The following TTC1 variants were observed in gnomAD, a reference collection of about 807,000 sequenced individuals.
TTC1 encodes tetratricopeptide repeat domain 1, also known as tetratricopeptide repeat protein 1.
A neutral mutation model predicts 37.6 loss-of-function variants in TTC1; 31 were observed. That is an observed-to-expected ratio of 0.82 (90% CI 0.62 to 1.11). The LOEUF is 1.11. TTC1 is among the 50% of genes most tolerant of loss of function. The pLI, the probability that TTC1 is intolerant of heterozygous loss-of-function variation, is 0.00. For missense variants in TTC1, 351 were observed against 339.0 expected, an observed-to-expected ratio of 1.04 and a Z score of -0.28; for synonymous variants, 127 against 122.4, an observed-to-expected ratio of 1.04 and a Z score of -0.25.
At chr5:160,023,979 C>G in intron 2 of TTC1, 1 of 1,549,760 alleles carries the variant, frequency 6.5e-7, no homozygotes, top group Non-Finnish European at 8.9e-7. Flanking sequence ...TTGGTCCCAC[C>G]TGGTTGCATG....
At chr5:160,045,520 A>ACACACACACTCT (rs1202139318) in intron 5 of TTC1, among the ~76,000 whole-genome samples, 8 of 54,884 alleles carry the variant, frequency 1.5e-4, no homozygotes, top group African/African-American at 1.8e-4. Context: ...ACACATACAC[A>ACACACACACTCT]CTCTCTCTCT....
At chr5:160,036,904 C>G (rs1310523930) in intron 4 of TTC1, 101 bp downstream of exon 4, 1 of 741,622 alleles carries the variant, frequency 1.3e-6, no homozygotes, top group African/African-American at 1.8e-5. Flanking sequence ...TGCTGCCTCC[C>G]TTTTCCTGCC....
intron 7 of TTC1, among the ~76,000 whole-genome samples, chr5:160,063,955 A>T (rs748169992): frequency 6.8e-6 from 1 of 147,046 alleles, no homozygotes; most frequent in African/African-American, 2.5e-5. Flanking sequence ...ACCGCTGGCT[A>T]TAGACCATGA....
In TTC1 at chr5:160,064,960, T is replaced by A. The variant is rs1753556058; in HGVS notation, c.774T>A (p.Val258=). ...AATTAAAAGATCTTGGGAACTTGGTTCTCCGACCTTTTGGGCTCTCCACGG... is the reference window on the plus strand; with the variant it reads ...AATTAAAAGATCTTGGGAACTTGGTACTCCGACCTTTTGGGCTCTCCACGG... ...LGKLKDLGNL[V]LRPFGLSTEN... The change falls in exon 8 of 8, where the codon GTT becomes GTA. Residue 258 remains valine (V), a synonymous_variant. Transcript: ENST00000231238. The A allele has an allele frequency of 6.2e-7, 1 of 1,613,658 alleles. No individual in the cohort carries two copies. The highest frequency in any genetic ancestry group is 8.5e-7 in the Non-Finnish European group (1 of 1,179,978).
chr5:160,014,290 C>T (rs986194318), intron 2 of TTC1, among the ~76,000 whole-genome samples: 7 of 151,608 alleles, frequency 4.6e-5, no homozygotes, highest in African/African-American at 1.5e-4. Context: ...CCCAGGAGGT[C>T]GAGGTTGCAG....
At chr5:160,049,795 A>G in intron 6 of TTC1, 133 bp downstream of exon 6, 1 of 806,984 alleles carries the variant, frequency 1.2e-6, no homozygotes, top group Non-Finnish European at 1.8e-6. Context: ...GATATATGGG[A>G]GGCCAGGCGC....
intron 1 of TTC1, 126 bp from the exon 2 acceptor site, chr5:160,010,374 G>T: frequency 1.3e-5 from 7 of 524,938 alleles, no homozygotes; most frequent in Admixed American, 3.3e-5. Flanking sequence ...TTTAAATAAT[G>T]AATTCCAGTG....
intron 2 of TTC1, among the ~76,000 whole-genome samples, chr5:160,030,105 A>T (rs1756883145): frequency 6.6e-6 from 1 of 152,264 alleles, no homozygotes. Context: ...CAAAAGCAGT[A>T]TGTACAGTCT....
At chr5:160,022,211 A>C (rs1756722787) in intron 2 of TTC1, among the ~76,000 whole-genome samples, 1 of 152,202 alleles carries the variant, frequency 6.6e-6, no homozygotes, top group Non-Finnish European at 1.5e-5. Context: ...ATACACTTAT[A>C]AGCTCAAAGT....
At chr5:160,030,543 T>G (rs762666650) in intron 2 of TTC1, among the ~76,000 whole-genome samples, 1 of 152,166 alleles carries the variant, frequency 6.6e-6, no homozygotes, top group Non-Finnish European at 1.5e-5. Flanking sequence ...GCTGTACTGG[T>G]ATAGGTTGTA....
At chr5:160,015,215 C>G (rs1216566769) in intron 2 of TTC1, among the ~76,000 whole-genome samples, 1 of 152,036 alleles carries the variant, frequency 6.6e-6, no homozygotes, top group East Asian at 1.9e-4. Context: ...AAGCTTTTTT[C>G]TTCTTGTGTT....
chr5:160,049,533 C>A lies in TTC1; in HGVS notation c.561C>A (p.Ser187Arg). Residue 187 changes from serine to arginine, a missense_variant, in exon 6 of 8, where the codon AGC (serine) becomes AGA (arginine). Ser to Arg is a moderately radical substitution (Grantham distance 110, BLOSUM62 -1). Coordinates refer to ENST00000231238, the MANE Select transcript of TTC1 (RefSeq NM_003314.3). ...TTACAGCAATTCAATTAAACCCCAG[C>A]TATATCAGGGCAATATTGAGGAGAG... ...DCSKAIQLNP[S>R]YIRAILRRAE... 6.3e-7 allele frequency: 1 copy of A among 1,577,644 alleles called. No individual in the cohort carries two copies. The highest frequency in any genetic ancestry group is 8.6e-7 in the Non-Finnish European group (1 of 1,167,786).
In TTC1 at chr5:160,036,786, G is replaced by A; in HGVS notation, c.487G>A (p.Ala163Thr). The change falls in exon 4 of 8, where the codon GCA becomes ACA. Residue 163 changes from alanine to threonine, a missense_variant. Coordinates refer to ENST00000231238, the MANE Select transcript of TTC1 (RefSeq NM_003314.3). The part of the protein sequence containing the change: ...ERSILFSNRA[A>T]ARMKQDKKEM... ...GTCGATTCTATTTTCAAATAGAGCT[G>A]CAGCAAGGATGAAACAGGTATGTAT... The A allele has an allele frequency of 6.2e-7, 1 of 1,613,152 alleles. No individual in the cohort carries two copies. Among genetic ancestry groups the A allele is most frequent in the Non-Finnish European group, 8.5e-7 (1 of 1,179,458 alleles).
chr5:160,024,080 G>T, intron 2 of TTC1: 1 of 921,096 alleles, frequency 1.1e-6, no homozygotes, highest in East Asian at 2.4e-5. Context: ...AGTGTGGGGG[G>T]ATGGGCAATG....
chr5:160,046,446 T>C (rs891317082), intron 5 of TTC1, among the ~76,000 whole-genome samples: 1 of 152,206 alleles, frequency 6.6e-6, no homozygotes, highest in African/African-American at 2.4e-5. Context: ...CTTCAACATT[T>C]TGGAAGTCTC....
intron 2 of TTC1, among the ~76,000 whole-genome samples, chr5:160,028,122 ACT>A (rs747148807): frequency 6.6e-6 from 1 of 151,784 alleles, no homozygotes; most frequent in South Asian, 2.1e-4. Context: ...ACATTGTGAA[ACT>A]CTGTCTCTAC....
intron 2 of TTC1, among the ~76,000 whole-genome samples, chr5:160,024,445 G>T (rs995641764): frequency 6.6e-6 from 1 of 152,046 alleles, no homozygotes; most frequent in Admixed American, 6.5e-5. Flanking sequence ...CATCTTTTCT[G>T]TTCCAGGATC....
At chr5:160,022,903 G>A (rs180918900) in intron 2 of TTC1, among the ~76,000 whole-genome samples, 2 of 152,148 alleles carry the variant, frequency 1.3e-5, no homozygotes, top group Non-Finnish European at 1.5e-5. Context: ...CTACAGATTC[G>A]GGGTAATTCT....
chr5:160,059,548 CTCT>C (rs1757641590), intron 7 of TTC1, among the ~76,000 whole-genome samples: 1 of 152,188 alleles, frequency 6.6e-6, no homozygotes, highest in Non-Finnish European at 1.5e-5. Context: ...TAAAGTCTGG[CTCT>C]TCCCTTTACT....
Sources: gnomAD v4.1 joint callset for allele counts (sites outside exome capture counted in the v4.1 genomes callset) on GRCh38, gnomAD v4.1.1 for gene constraint, MANE v1.5 for transcripts, NCBI Gene and HGNC (gene_info 2026-07-23, HGNC 2026-07-21) for gene names.